SUCLG1: variants seen among roughly 807,000 people sequenced by gnomAD.
SUCLG1 encodes the protein succinate--CoA ligase [ADP/GDP-forming] subunit alpha, mitochondrial.
In SUCLG1, 26 loss-of-function variants were observed where a neutral mutation model predicts 37.3. That is an observed-to-expected ratio of 0.70 (90% CI 0.51 to 0.97). SUCLG1 has a LOEUF of 0.97. Among genes scored for constraint, SUCLG1 ranks in the 50% least tolerant of loss-of-function variants. SUCLG1 has a pLI of 0.00. For missense variants in SUCLG1, 433 were observed against 432.9 expected (o/e 1.00, Z 0.00); for synonymous variants, 163 against 155.6 (o/e 1.05, Z -0.36).
chr2:84,448,627 T>C (rs183650661), intron 2 of SUCLG1, among the ~76,000 whole-genome samples: 5 of 152,140 alleles, frequency 3.3e-5, no homozygotes, highest in Admixed American at 3.3e-4. Context: ...ATACTCTAAT[T>C]GATTTGATAG....
chr2:84,426,727 TAA>T (rs1672540891), intron 7 of SUCLG1: 1 of 151,508 alleles, frequency 6.6e-6, no homozygotes, highest in African/African-American at 2.4e-5. Flanking sequence ...TAATTAATGG[TAA>T]TATCATGTTC....
At chr2:84,433,636 G>T in intron 5 of SUCLG1, 1 of 594,612 alleles carries the variant, frequency 1.7e-6, no homozygotes, top group Non-Finnish European at 3.0e-6. Flanking sequence ...TTTTAATTTA[G>T]ACAAAGGAGA....
At chr2:84,431,030 T>C (rs941084661) in intron 7 of SUCLG1, among the ~76,000 whole-genome samples, 1 of 152,166 alleles carries the variant, frequency 6.6e-6, no homozygotes, top group African/African-American at 2.4e-5. Context: ...GCTTTTCTAC[T>C]TGATCTCTGA....
At chr2:84,446,139 G>A (rs1322359450) in intron 2 of SUCLG1, among the ~76,000 whole-genome samples, 1 of 152,122 alleles carries the variant, frequency 6.6e-6, no homozygotes, top group Non-Finnish European at 1.5e-5. Flanking sequence ...CTGACCACCT[G>A]ATATAAAATC....
intron 5 of SUCLG1, among the ~76,000 whole-genome samples, chr2:84,438,363 TA>T (rs1312186891): frequency 6.6e-6 from 1 of 152,148 alleles, no homozygotes; most frequent in African/African-American, 2.4e-5. Flanking sequence ...ATAAGAGAAA[TA>T]AATAACATGG....
At chr2:84,457,598 A>G (rs1217032039) in intron 1 of SUCLG1, among the ~76,000 whole-genome samples, 1 of 152,196 alleles carries the variant, frequency 6.6e-6, no homozygotes, top group Non-Finnish European at 1.5e-5. Flanking sequence ...ACCTGAGGCT[A>G]GGATCTTTCA....
chr2:84,429,188 T>A (rs1672579972), intron 7 of SUCLG1, among the ~76,000 whole-genome samples: 1 of 152,128 alleles, frequency 6.6e-6, no homozygotes, highest in African/African-American at 2.4e-5. Flanking sequence ...AGGTTCTCAA[T>A]AAAAATTAAT....
intron 6 of SUCLG1, 113 bp downstream of exon 6, chr2:84,433,239 T>C: frequency 1.1e-6 from 1 of 925,244 alleles, no homozygotes; most frequent in Non-Finnish European, 1.7e-6. Flanking sequence ...CGTAACATCC[T>C]TTTCATAAGA....
rs560522663 is a variant in SUCLG1, at chr2:84,451,581, T to C, written c.98-1829A>G. Among the ~76,000 whole-genome samples the C allele has an allele frequency of 2.7e-4, 41 of 152,262 alleles. No homozygotes were observed. The East Asian group carries it at 3.5e-3, about 13-fold the overall frequency. On this transcript the variant is annotated intron_variant, in intron 1 of 8. Transcript: ENST00000393868. ...AAGATCTCTGCTTTCTCGTAGTAACTCCAGATCTCCTGGATCAATTCTATG... is the reference window on the plus strand; with the variant it reads ...AAGATCTCTGCTTTCTCGTAGTAACCCCAGATCTCCTGGATCAATTCTATG...
At chr2:84,442,163 C>A (rs1672783596) in intron 3 of SUCLG1, among the ~76,000 whole-genome samples, 1 of 22,590 alleles carries the variant, frequency 4.4e-5, no homozygotes. Flanking sequence ...GAAGAACTTT[C>A]TTTAAAAAAA....
intron 7 of SUCLG1, chr2:84,425,941 A>G (rs1672530331): frequency 2.8e-6 from 1 of 352,172 alleles, no homozygotes. Flanking sequence ...TTAAGACACA[A>G]GACTGGGTTG....
chr2:84,458,979 G>GC (rs1673092579), intron 1 of SUCLG1, among the ~76,000 whole-genome samples, 194 bp downstream of exon 1: 1 of 152,142 alleles, frequency 6.6e-6, no homozygotes, highest in Non-Finnish European at 1.5e-5. Flanking sequence ...CCTAAGTCAT[G>GC]CCCCCCGCCC....
rs185639602 is a variant in SUCLG1 at position 84,436,625 on chromosome 2, T to G, written c.590-3190A>C. Among the ~76,000 whole-genome samples the G allele has an allele frequency of 7.7e-3, 1,175 of 152,354 alleles. 14 individuals carry two copies. The highest frequency in any genetic ancestry group is 0.034 in the Middle Eastern group (10 of 294). ...GGAAGGATAAATTTCAAGTTTTAAT[T>G]TTTATCTAATAATCTTGGCTTGGCA... On this transcript the variant is annotated intron_variant, in intron 5 of 8. Transcript: ENST00000393868.
chr2:84,452,395 T>A (rs1672954609), intron 1 of SUCLG1, among the ~76,000 whole-genome samples: 1 of 152,212 alleles, frequency 6.6e-6, no homozygotes, highest in Admixed American at 6.5e-5. Flanking sequence ...AATTAAAGAT[T>A]TAATGTCCTC....
intron 3 of SUCLG1, among the ~76,000 whole-genome samples, chr2:84,442,221 G>C (rs1672785888): frequency 6.7e-6 from 1 of 149,224 alleles, no homozygotes; most frequent in African/African-American, 2.5e-5. Context: ...TCAACCTAGA[G>C]GAATTGTAAA....
At chr2:84,425,635 A>G (rs1279425107) in intron 7 of SUCLG1, 32 bp from the exon 8 acceptor site, 12 of 1,612,640 alleles carry the variant, frequency 7.4e-6, no homozygotes, top group Non-Finnish European at 1.0e-5. Context: ...AAATGCTCTA[A>G]TGAAGAAGTC....
intron 7 of SUCLG1, among the ~76,000 whole-genome samples, chr2:84,428,554 C>T (rs1375316252): frequency 6.6e-6 from 1 of 152,134 alleles, no homozygotes; most frequent in African/African-American, 2.4e-5. Flanking sequence ...TCCCCTGTTC[C>T]CCAAAAAGTG....
At position 84,425,440 on chromosome 2, in the gene SUCLG1, G is replaced by A; in HGVS notation, c.989C>T (p.Ala330Val). The A allele has an allele frequency of 6.2e-7, 1 of 1,614,134 alleles. No individual in the cohort carries two copies. The highest frequency in any genetic ancestry group is 8.5e-7 in the Non-Finnish European group (1 of 1,180,024). The change falls in exon 8 of 9, where the codon GCA becomes GTA. Residue 330 changes from alanine (A) to valine (V), a missense_variant. By Grantham distance (64) the Ala-to-Val change is moderately conservative. Transcript: ENST00000393868. ...CTTGTAGATCGTGGTTCCCAGCTGT[G>A]CAGGAGACATACTGACCACAACTCC... ...SAGVVVSMSP[A>V]QLGTTIYKEF...
intron 1 of SUCLG1, 151 bp downstream of exon 1, chr2:84,459,022 G>A (rs1374547736): frequency 1.9e-5 from 14 of 747,680 alleles, no homozygotes; most frequent in Admixed American, 3.1e-5. Flanking sequence ...CCACCGTAGG[G>A]GTCCCCGACT....
Sources: gnomAD v4.1 joint callset for allele counts (sites outside exome capture counted in the v4.1 genomes callset) on GRCh38, gnomAD v4.1.1 for gene constraint, MANE v1.5 for transcripts, NCBI Gene and HGNC (gene_info 2026-07-23, HGNC 2026-07-21) for gene names.